The following PTCHD4 variants were observed in gnomAD, a reference collection of about 807,000 sequenced individuals.
PTCHD4 encodes patched domain containing 4.
A neutral mutation model predicts 58.1 loss-of-function variants in PTCHD4; 33 were observed. The observed-to-expected ratio is 0.57, with a 90% CI of 0.43 to 0.76. PTCHD4 has a LOEUF of 0.76. Ranked by LOEUF, PTCHD4 falls within the 30% of genes least tolerant of loss-of-function variation. The pLI, the probability that PTCHD4 is intolerant of heterozygous loss-of-function variation, is 0.00. For synonymous variants in PTCHD4, 478 were observed against 409.6 expected (o/e 1.17, Z -2.02); for missense variants, 1,058 against 1,027.1 (o/e 1.03, Z -0.41).
rs1033325096 is a variant in PTCHD4 at position 47,863,398 on chromosome 6, T to G, written c.*14905A>C. On this transcript the variant is annotated 3_prime_UTR_variant, in exon 5 of 5. Coordinates refer to ENST00000339488, the MANE Select transcript of PTCHD4 (RefSeq NM_001384253.1). ...CTTGCATATCCCACATGAAAAATAG[T>G]ACTTTACTATTATTTGGCCTAATAA... Among the ~76,000 whole-genome samples the G allele has an allele frequency of 6.6e-6, 1 of 151,936 alleles. No individual in the cohort carries two copies. Among genetic ancestry groups the G allele is most frequent in the Non-Finnish European group, 1.5e-5 (1 of 67,898 alleles).
intron 4 of PTCHD4, among the ~76,000 whole-genome samples, chr6:47,894,591 A>G (rs547124225): frequency 1.3e-5 from 2 of 152,270 alleles, no homozygotes; most frequent in Non-Finnish European, 2.9e-5. Context: ...TAAACATTCA[A>G]TAAATGTTAG....
At chr6:47,946,975 T>G (rs778884419) in intron 4 of PTCHD4, among the ~76,000 whole-genome samples, 1 of 152,042 alleles carries the variant, frequency 6.6e-6, no homozygotes, top group Non-Finnish European at 1.5e-5. Context: ...CCCTGAGGCC[T>G]ACAGGTGTGC....
intron 3 of PTCHD4, among the ~76,000 whole-genome samples, chr6:48,051,674 T>C (rs1346506497): frequency 6.6e-6 from 1 of 152,048 alleles, no homozygotes; most frequent in Admixed American, 6.6e-5. Context: ...GCTGACTTCA[T>C]AACCTTCAGA....
At chr6:47,995,351 T>G (rs1255589196) in intron 4 of PTCHD4, among the ~76,000 whole-genome samples, 1 of 152,192 alleles carries the variant, frequency 6.6e-6, no homozygotes, top group Admixed American at 6.5e-5. Flanking sequence ...CAGCATTCTT[T>G]GAAAGGAACA....
Position 47,856,855 on chromosome 6 carries a change from T to C in PTCHD4, c.*21448A>G, listed in dbSNP as rs1048961246. On this transcript the variant is annotated 3_prime_UTR_variant, in exon 5 of 5. Transcript: ENST00000339488. ...TTTGTTTTCACATGATTTTCTAATA[T>C]AAAAAAGCATATAGTCATCAACCTT... Among the ~76,000 whole-genome samples the C allele has an allele frequency of 1.3e-5, 2 of 152,066 alleles. No individual in the cohort carries two copies. Among genetic ancestry groups the C allele is most frequent in the African/African-American group, 2.4e-5 (1 of 41,426 alleles).
At chr6:47,891,864 G>C (rs968098946) in intron 4 of PTCHD4, among the ~76,000 whole-genome samples, 16 of 151,710 alleles carry the variant, frequency 1.1e-4, no homozygotes, top group African/African-American at 3.9e-4. Flanking sequence ...AAATATTTTT[G>C]GAAAATAAAA....
chr6:47,888,851 C>T (rs1764283878), intron 4 of PTCHD4, among the ~76,000 whole-genome samples: 1 of 126,996 alleles, frequency 7.9e-6, no homozygotes, highest in East Asian at 2.4e-4. Flanking sequence ...TATTCCCCTT[C>T]CTGTGTCCAT....
chr6:47,995,896 T>A (rs1768468821), intron 4 of PTCHD4, among the ~76,000 whole-genome samples: 1 of 152,194 alleles, frequency 6.6e-6, no homozygotes, highest in South Asian at 2.1e-4. Context: ...TCTAGTATAA[T>A]TTCTACCTTC....
intron 4 of PTCHD4, among the ~76,000 whole-genome samples, chr6:47,902,501 C>T (rs138782363): frequency 2.1e-3 from 321 of 152,024 alleles, no homozygotes; most frequent in Middle Eastern, 6.8e-3. Flanking sequence ...GGAAAGTTTG[C>T]GTGAAGGAAA....
chr6:48,046,506 T>G (rs1411207430), intron 3 of PTCHD4, among the ~76,000 whole-genome samples: 1 of 151,886 alleles, frequency 6.6e-6, no homozygotes, highest in Non-Finnish European at 1.5e-5. Context: ...ATTTTCTACC[T>G]TTTAATGTTA....
Position 47,878,798 on chromosome 6 carries a change from A to T in PTCHD4, c.2037T>A (p.Pro679=). The T allele has an allele frequency of 1.2e-6, 2 of 1,613,714 alleles. No homozygotes were observed. Among genetic ancestry groups the T allele is most frequent in the Non-Finnish European group, 1.7e-6 (2 of 1,179,782 alleles). The change falls in exon 5 of 5, where the codon CCT becomes CCA. Residue 679 remains proline, a synonymous_variant. Transcript: ENST00000339488. Reference sequence around the variant, plus strand: ...TAAGAATTAGCCAGAAGTTTCCCAGAGGGTGGATCACTAGGAAAAAAGTCA... The same window carrying T: ...TAAGAATTAGCCAGAAGTTTCCCAGTGGGTGGATCACTAGGAAAAAAGTCA... The part of the protein sequence containing the change: ...LILTFFLVIH[P]LGNFWLILSV...
At chr6:48,072,892 A>G (rs1469673081) in intron 1 of PTCHD4, among the ~76,000 whole-genome samples, 1 of 152,088 alleles carries the variant, frequency 6.6e-6, no homozygotes, top group Non-Finnish European at 1.5e-5. Flanking sequence ...TAACAAAAAT[A>G]TATATTTTTA....
chr6:47,901,704 A>G, intron 4 of PTCHD4: 1 of 1,152,194 alleles, frequency 8.7e-7, no homozygotes, highest in Non-Finnish European at 1.1e-6. Context: ...TCCAAAAAAT[A>G]GAGGGCTGGG....
intron 4 of PTCHD4, chr6:47,900,657 T>C (rs1764666716): frequency 6.6e-6 from 1 of 152,256 alleles, no homozygotes; most frequent in South Asian, 2.1e-4. Flanking sequence ...TGGGTTTTTA[T>C]GGATATCTGT....
chr6:48,051,246 A>T (rs1764223009), intron 3 of PTCHD4, among the ~76,000 whole-genome samples: 1 of 152,016 alleles, frequency 6.6e-6, no homozygotes, highest in Non-Finnish European at 1.5e-5. Flanking sequence ...CCAAATAGGC[A>T]TGAAGTCAGA....
intron 1 of PTCHD4, among the ~76,000 whole-genome samples, chr6:48,070,151 GTGTGTATATA>G (rs986261272): frequency 6.7e-6 from 1 of 149,030 alleles, no homozygotes; most frequent in African/African-American, 2.5e-5. Flanking sequence ...GTGTGTGTGT[GTGTGTATATA>G]TATATATGAA....
At chr6:48,009,179 C>A in intron 3 of PTCHD4, 65 bp from the exon 4 acceptor site, 2 of 1,483,906 alleles carry the variant, frequency 1.3e-6, no homozygotes, top group South Asian at 1.4e-5. Flanking sequence ...GATTCTTACT[C>A]TAAGTGAAGG....
chr6:47,879,996 A>C, intron 4 of PTCHD4, 60 bp from the exon 5 acceptor site: 1 of 1,276,882 alleles, frequency 7.8e-7, no homozygotes, highest in Non-Finnish European at 1.1e-6. Context: ...GCTCAAGTGA[A>C]TTCCTTATAG....
intron 4 of PTCHD4, among the ~76,000 whole-genome samples, chr6:47,950,772 C>T (rs778411558): frequency 6.6e-6 from 1 of 151,886 alleles, no homozygotes; most frequent in African/African-American, 2.4e-5. Flanking sequence ...TATGAGGTCA[C>T]CAAGCGAGTC....
Sources: gnomAD v4.1 joint callset for allele counts (sites outside exome capture counted in the v4.1 genomes callset) on GRCh38, gnomAD v4.1.1 for gene constraint, MANE v1.5 for transcripts, NCBI Gene and HGNC (gene_info 2026-07-23, HGNC 2026-07-21) for gene names.